Variants in SCN2A observed in about 807,000 individuals in gnomAD.
The protein encoded by SCN2A is sodium channel protein type 2 subunit alpha.
A neutral mutation model predicts 188.7 loss-of-function variants in SCN2A; 20 were observed. The ratio of observed to expected loss-of-function variants is 0.11; its 90% confidence interval spans 0.07 to 0.15. The LOEUF is 0.15. SCN2A is among the 10% of genes least tolerant of loss of function. The pLI, the probability that SCN2A is intolerant of heterozygous loss-of-function variation, is 1.00. For missense variants in SCN2A, 1,278 were observed against 2,445.0 expected (o/e 0.52, Z 10.07); for synonymous variants, 804 against 833.1 (o/e 0.97, Z 0.60).
In SCN2A at chr2:165,344,476, A is replaced by G. The variant is rs1303768051; in HGVS notation, c.2563-79A>G. ...ATAAAATAAAATAAAAATAAAAAAT[A>G]AAAAAATAAAAATAAAATAAAATTG... On this transcript the variant is annotated intron_variant, in intron 15 of 26. Coordinates refer to ENST00000375437, the MANE Select transcript of SCN2A (RefSeq NM_001040142.2). 5.6e-6 allele frequency: 5 copies of G among 890,912 alleles called. No individual in the cohort carries two copies. In the African/African-American group the frequency reaches 7.1e-5, roughly 13 times the overall value. The allele number at this position is 890,912 out of a possible 1,614,324, so 55.2% of individuals were successfully genotyped here. A position where few individuals can be genotyped will look rare whatever the true frequency, so the allele number is the denominator to read the frequency against.
intron 3 of SCN2A, among the ~76,000 whole-genome samples, chr2:165,302,194 C>A (rs1297569077): frequency 1.3e-5 from 2 of 152,136 alleles, no homozygotes; most frequent in Non-Finnish European, 2.9e-5. Context: ...ATTTCTCTTT[C>A]TTTTGTTTTC....
intron 12 of SCN2A, among the ~76,000 whole-genome samples, chr2:165,325,026 G>A (rs1574595906): frequency 2.6e-5 from 4 of 152,230 alleles, no homozygotes; most frequent in Admixed American, 2.6e-4. Context: ...CCACTGAGGA[G>A]AACAAGGTCT....
chr2:165,368,116 G>T, intron 19 of SCN2A, among the ~76,000 whole-genome samples: 1 of 152,194 alleles, frequency 6.6e-6, no homozygotes, highest in East Asian at 1.9e-4. Context: ...TATTGCCAGC[G>T]AAAGTGGCTC....
In SCN2A at chr2:165,342,345, T is replaced by C; in HGVS notation, c.2438T>C (p.Met813Thr). The C allele has an allele frequency of 1.9e-6, 3 of 1,614,020 alleles. No individual in the cohort carries two copies. The highest frequency in any genetic ancestry group is 1.7e-6 in the Non-Finnish European group (2 of 1,179,916). The change falls in exon 15 of 27, where the codon ATG (methionine) becomes ACG (threonine). Residue 813 changes from methionine (M) to threonine (T), a missense_variant. By Grantham distance (81) the Met-to-Thr change is moderately conservative. Around this residue, in one of 17 missense-constraint regions of SCN2A, gnomAD observed 83 missense variants for 256.8 expected, o/e 0.32. Transcript: ENST00000375437. ...GAAATGTTTCTCAAGATAATTGCCA[T>C]GGATCCATATTATTACTTTCAAGAA... ...TAEMFLKIIA[M>T]DPYYYFQEGW...
chr2:165,310,214 GGCATTCT>G, intron 6 of SCN2A, 102 bp from the exon 7 acceptor site: 1 of 1,143,764 alleles, frequency 8.7e-7, no homozygotes. Context: ...TAATATTGTT[GGCATTCT>G]GCATGACATT....
chr2:165,367,295 C>T lies in SCN2A; in HGVS notation c.3599C>T (p.Thr1200Ile). The T allele has an allele frequency of 6.2e-7, 1 of 1,614,080 alleles. No homozygotes were observed. The highest frequency in any genetic ancestry group is 8.5e-7 in the Non-Finnish European group (1 of 1,179,988). The stretch of plus-strand genomic sequence containing the variant: ...AAACTCTGGTGGAATTTGAGGAAAA[C>T]ATGCTATAAGATAGTGGAGCACAAT... ...KGKLWWNLRK[T>I]CYKIVEHNWF... Residue 1200 changes from threonine (T) to isoleucine (I), a missense_variant, in exon 19 of 27, where the codon ACA (threonine) becomes ATA (isoleucine). Transcript: ENST00000375437.
intron 11 of SCN2A, among the ~76,000 whole-genome samples, chr2:165,320,922 T>C (rs1698044228): frequency 1.3e-5 from 2 of 152,230 alleles, no homozygotes; most frequent in Non-Finnish European, 2.9e-5. Flanking sequence ...TCCTCATTAC[T>C]TATGCAAATT....
At chr2:165,388,157 C>T (rs1213300938) in intron 26 of SCN2A, among the ~76,000 whole-genome samples, 1 of 152,132 alleles carries the variant, frequency 6.6e-6, no homozygotes, top group African/African-American at 2.4e-5. Context: ...GTCCCAAGTA[C>T]ATCTGTCTCC....
At chr2:165,351,848 A>G (rs1057405354) in intron 16 of SCN2A, among the ~76,000 whole-genome samples, 22 of 150,730 alleles carry the variant, frequency 1.5e-4, no homozygotes, top group Admixed American at 1.3e-3. Context: ...AAGATCTCCC[A>G]ATCTATCAGT....
intron 16 of SCN2A, among the ~76,000 whole-genome samples, chr2:165,345,882 G>A (rs1699559469): frequency 6.6e-6 from 1 of 152,062 alleles, no homozygotes; most frequent in South Asian, 2.1e-4. Context: ...CTTCCTTCAG[G>A]AGCTCTTGTA....
In SCN2A at chr2:165,389,595, G is replaced by T. The variant is rs959444328; in HGVS notation, c.5789G>T (p.Ser1930Ile). Residue 1930 changes from serine (S) to isoleucine (I), a missense_variant, in exon 27 of 27, where the codon AGT (serine) becomes ATT (isoleucine). This residue lies in a region of SCN2A where 109 missense variants were observed against 137.9 expected (regional missense o/e 0.79). Coordinates refer to ENST00000375437, the MANE Select transcript of SCN2A (RefSeq NM_001040142.2). The surrounding 1 kb of genome is among the most constrained non-coding windows in gnomAD (Gnocchi z 4.2). ...LLKQKVKKVS[S>I]IYKKDKGKEC... ...AAGCAAAAAGTTAAAAAGGTATCAA[G>T]TATATACAAGAAAGACAAAGGCAAA... The T allele has an allele frequency of 1.2e-6, 2 of 1,613,784 alleles. No individual in the cohort carries two copies. Among genetic ancestry groups the T allele is most frequent in the Non-Finnish European group, 1.7e-6 (2 of 1,179,964 alleles).
At chr2:165,254,352 T>G (rs929904079) in intron 1 of SCN2A, among the ~76,000 whole-genome samples, 1 of 151,752 alleles carries the variant, frequency 6.6e-6, no homozygotes, top group Non-Finnish European at 1.5e-5. Flanking sequence ...TTTAAGAAGT[T>G]TATAACTGTA....
chr2:165,279,404 C>A (rs1429727495), intron 1 of SCN2A, among the ~76,000 whole-genome samples: 2 of 152,000 alleles, frequency 1.3e-5, no homozygotes, highest in African/African-American at 4.8e-5. Context: ...AATAATTAAT[C>A]TTTGGTTGAA....
intron 3 of SCN2A, among the ~76,000 whole-genome samples, chr2:165,298,597 A>T (rs563855286): frequency 6.6e-6 from 1 of 152,320 alleles, no homozygotes; most frequent in East Asian, 1.9e-4. Context: ...TTTTCCAAAT[A>T]AGAGAACCCA....
At chr2:165,367,445 AC>A in intron 19 of SCN2A, 74 bp downstream of exon 19, 3 of 1,474,402 alleles carry the variant, frequency 2.0e-6, no homozygotes, top group Non-Finnish European at 2.8e-6. Context: ...AACTCATATT[AC>A]CCACTTTTAA....
intron 1 of SCN2A, chr2:165,294,079 G>A (rs1053910718): frequency 3.1e-5 from 30 of 965,130 alleles, no homozygotes; most frequent in Non-Finnish European, 3.6e-5. Context: ...TTTAGCTGCA[G>A]TCTTCTTGGT....
chr2:165,383,011 A>C (rs943326286), intron 25 of SCN2A, among the ~76,000 whole-genome samples: 10 of 152,182 alleles, frequency 6.6e-5, no homozygotes, highest in African/African-American at 2.4e-4. Context: ...AGTTCAACAC[A>C]TTCAGCTAGA....
intron 3 of SCN2A, among the ~76,000 whole-genome samples, chr2:165,306,306 C>T (rs1488583140): frequency 6.6e-6 from 1 of 152,052 alleles, no homozygotes; most frequent in African/African-American, 2.4e-5. Flanking sequence ...TGTTGAGGAC[C>T]ACTGAGGTTT....
rs115006796 is a variant in SCN2A at position 165,356,757 on chromosome 2, G to A, written c.3399+2086G>A. ...ACAGCCGTGGGTTTTCCAAAAGAGC[G>A]TGTATTTTGCCTTAACTTAAGCCAT... On this transcript the variant is annotated intron_variant, in intron 17 of 26. Coordinates refer to ENST00000375437, the MANE Select transcript of SCN2A (RefSeq NM_001040142.2). 9.1e-3 allele frequency among the ~76,000 whole-genome samples: 1,378 copies of A among 152,216 alleles called. 10 individuals carry two copies. Among genetic ancestry groups the A allele is most frequent in the Non-Finnish European group, 0.011 (758 of 68,002 alleles).
Sources: gnomAD v4.1 joint callset for allele counts (sites outside exome capture counted in the v4.1 genomes callset) on GRCh38, gnomAD v4.1.1 for gene constraint, gnomAD v4.1.1 regional missense constraint, Gnocchi (gnomAD v3.1) non-coding constraint, MANE v1.5 for transcripts, NCBI Gene and HGNC (gene_info 2026-07-23, HGNC 2026-07-21) for gene names.